Variants in WBP2NL observed in about 807,000 individuals in gnomAD.
WBP2NL encodes the protein WBP2 N-terminal like.
WBP2NL carries 27 observed loss-of-function variants against 23.3 expected under a neutral mutation model. The observed-to-expected ratio is 1.16, with a 90% CI of 0.85 to 1.60. The LOEUF (loss-of-function observed/expected upper bound fraction) is 1.60. Ranked by LOEUF, WBP2NL falls within the 40% of genes most tolerant of loss-of-function variation. WBP2NL has a pLI of 0.00. For synonymous variants in WBP2NL, 151 were observed against 145.9 expected (o/e 1.03, Z -0.25); for missense variants, 370 against 389.5 (o/e 0.95, Z 0.42).
At chr22:42,022,741 G>A (rs1430514184) in intron 5 of WBP2NL, among the ~76,000 whole-genome samples, 2 of 152,090 alleles carry the variant, frequency 1.3e-5, no homozygotes, top group Admixed American at 6.5e-5. Context: ...CGAGCCCTGG[G>A]TCCTTTAACA....
chr22:42,025,164 C>T (rs897050541), intron 5 of WBP2NL, among the ~76,000 whole-genome samples: 1 of 152,162 alleles, frequency 6.6e-6, no homozygotes, highest in Non-Finnish European at 1.5e-5. Context: ...GTTGCTCATG[C>T]TTTTGATGTA....
intron 1 of WBP2NL, among the ~76,000 whole-genome samples, chr22:42,015,951 G>T (rs987209793): frequency 6.6e-6 from 1 of 151,678 alleles, no homozygotes; most frequent in Non-Finnish European, 1.5e-5. Context: ...CATCCCTTTC[G>T]CTAGGTAGCA....
downstream of WBP2NL, among the ~76,000 whole-genome samples, chr22:42,028,989 G>A (rs1924739536): frequency 6.6e-6 from 1 of 152,158 alleles, no homozygotes; most frequent in South Asian, 2.1e-4. Flanking sequence ...GCTCCCTGGG[G>A]GGCAGTACCA....
chr22:42,027,814 T>A lies in WBP2NL; in HGVS notation c.*633T>A, dbSNP rs905758649. On this transcript the variant is annotated 3_prime_UTR_variant, in exon 6 of 6. Coordinates refer to ENST00000328823, the MANE Select transcript of WBP2NL (RefSeq NM_152613.3). ...GAATAGGAAAAAGTGATTTTCAACA[T>A]ATATATTAATTTATAGTCAGAATAC... The A allele has an allele frequency of 2.5e-6, 1 of 396,532 alleles. No homozygotes were observed. Among genetic ancestry groups the A allele is most frequent in the Non-Finnish European group, 4.4e-6 (1 of 225,364 alleles). The allele number at this position is 396,532 out of a possible 1,614,324, so 24.6% of individuals were successfully genotyped here.
At chr22:42,039,138 G>A (rs932498381) in intron 8 of WBP2NL, among the ~76,000 whole-genome samples, 1 of 150,112 alleles carries the variant, frequency 6.7e-6, no homozygotes, top group East Asian at 2.0e-4. Context: ...GTGGCACTGT[G>A]TCGGCTCACT....
At chr22:42,050,782 G>T (rs1925812993) in intron 8 of WBP2NL, among the ~76,000 whole-genome samples, 1 of 151,848 alleles carries the variant, frequency 6.6e-6, no homozygotes, top group Non-Finnish European at 1.5e-5. Flanking sequence ...TTAAGGAATT[G>T]CAAATTAAAA....
At chr22:42,036,188 TC>T (rs1355111208), downstream of WBP2NL, among the ~76,000 whole-genome samples, 3 of 152,144 alleles carry the variant, frequency 2.0e-5, no homozygotes, top group African/African-American at 7.2e-5. Flanking sequence ...TTTTTTTTTT[TC>T]TTTGAGACCA....
chr22:42,058,283 C>T (rs1311326699), intron 8 of WBP2NL: 1 of 151,844 alleles, frequency 6.6e-6, no homozygotes, highest in Non-Finnish European at 1.5e-5. Context: ...CTGAAATTTC[C>T]TTTCAGATAC....
rs1016172588 is a variant in WBP2NL at position 42,027,653 on chromosome 22, A to G, written c.*472A>G. ...GTGGATCCACAAAATGGAGTATTAT[A>G]CACCTGTTGAAAACTATGTCTAGAG... On this transcript the variant is annotated 3_prime_UTR_variant, in exon 6 of 6. Transcript: ENST00000328823. 3 of 284,122 alleles carry G rather than the reference A, an allele frequency of 1.1e-5. No individual in the cohort carries two copies. Among genetic ancestry groups the G allele is most frequent in the African/African-American group, 6.5e-5 (3 of 46,152 alleles). 17.6% of individuals were successfully genotyped at this position (284,122 alleles called of 1,614,324 possible). A position where few individuals can be genotyped will look rare whatever the true frequency, so the allele number is the denominator to read the frequency against.
Position 42,048,277 on chromosome 22 carries a change from G to A in WBP2NL, c.*274-10013G>A, listed in dbSNP as rs543258456. ...TCTATTAAAAGTACAAAAATTAGCC[G>A]GGCGTGGTGGTGCACACCTGTAATC... On this transcript the variant is annotated intron_variant and NMD_transcript_variant, in intron 8 of 8. Coordinates refer to the WBP2NL transcript ENST00000436265. Among the ~76,000 whole-genome samples the A allele has an allele frequency of 3.4e-3, 515 of 151,354 alleles. 7 individuals are homozygous for A. Among genetic ancestry groups the A allele is most frequent in the African/African-American group, 0.01 (418 of 41,104 alleles).
chr22:42,005,378 G>A (rs1332603785), intron 1 of WBP2NL, among the ~76,000 whole-genome samples: 3 of 152,164 alleles, frequency 2.0e-5, no homozygotes, highest in Non-Finnish European at 2.9e-5. Flanking sequence ...GTTGGGGGTG[G>A]TGGTGGGTTC....
chr22:42,047,547 G>A (rs1042940828), intron 8 of WBP2NL, among the ~76,000 whole-genome samples: 1 of 150,776 alleles, frequency 6.6e-6, no homozygotes, highest in Admixed American at 6.6e-5. Flanking sequence ...CTGAGATCAC[G>A]CCACTGCACA....
At chr22:42,039,871 G>C (rs1273478273) in intron 8 of WBP2NL, among the ~76,000 whole-genome samples, 1 of 145,426 alleles carries the variant, frequency 6.9e-6, no homozygotes, top group East Asian at 2.0e-4. Context: ...GGTCGAGTTT[G>C]TTCCTCTTTT....
intron 8 of WBP2NL, among the ~76,000 whole-genome samples, chr22:42,050,895 G>A (rs1286603175): frequency 1.3e-5 from 2 of 152,104 alleles, no homozygotes; most frequent in Non-Finnish European, 2.9e-5. Flanking sequence ...TTGCTTCCTG[G>A]GAGTACAAAA....
chr22:42,057,505 A>C (rs892131137), intron 8 of WBP2NL, among the ~76,000 whole-genome samples: 1 of 151,292 alleles, frequency 6.6e-6, no homozygotes, highest in African/African-American at 2.4e-5. Context: ...AAAATCTGGT[A>C]ATAAGGTAAA....
chr22:42,012,096 C>T (rs1174446808), intron 1 of WBP2NL, among the ~76,000 whole-genome samples: 1 of 152,136 alleles, frequency 6.6e-6, no homozygotes, highest in South Asian at 2.1e-4. Flanking sequence ...TTAATATCCT[C>T]TTTTTCATTT....
chr22:42,010,844 A>G (rs554887249), intron 1 of WBP2NL, among the ~76,000 whole-genome samples: 2 of 152,294 alleles, frequency 1.3e-5, no homozygotes, highest in South Asian at 2.1e-4. Context: ...GGCCAAAAAT[A>G]TACTGAATCT....
At chr22:42,002,776 A>G (rs1359180841) in intron 1 of WBP2NL, 1 of 152,134 alleles carries the variant, frequency 6.6e-6, no homozygotes, top group African/African-American at 2.4e-5. Flanking sequence ...CTAGAAAGAA[A>G]AGGACTCTTT....
intron 1 of WBP2NL, among the ~76,000 whole-genome samples, chr22:42,004,565 G>A (rs1922025838): frequency 6.6e-6 from 1 of 152,116 alleles, no homozygotes; most frequent in South Asian, 2.1e-4. Context: ...CTGCACTCCA[G>A]CCTCCAGCCT....
Sources: gnomAD v4.1 joint callset for allele counts (sites outside exome capture counted in the v4.1 genomes callset) on GRCh38, gnomAD v4.1.1 for gene constraint, MANE v1.5 for transcripts, NCBI Gene and HGNC (gene_info 2026-07-23, HGNC 2026-07-21) for gene names.